CCSER1: variants seen among roughly 807,000 people sequenced by gnomAD.
CCSER1 encodes coiled-coil serine rich protein 1.
CCSER1 carries 41 observed loss-of-function variants against 82.0 expected under a neutral mutation model. The ratio of observed to expected loss-of-function variants is 0.50; its 90% CI spans 0.39 to 0.65. CCSER1 has a LOEUF of 0.65. CCSER1 is among the 30% of genes least tolerant of loss of function. The probability of loss-of-function intolerance (pLI) is 0.00; values close to 1 mark genes in which losing one functional copy is unlikely to be tolerated. For synonymous variants in CCSER1, 414 were observed against 383.9 expected (o/e 1.08, Z -0.92); for missense variants, 1,119 against 1,064.2 (o/e 1.05, Z -0.72).
intron 10 of CCSER1, among the ~76,000 whole-genome samples, chr4:91,352,388 A>G (rs1331898031): frequency 1.3e-5 from 2 of 152,212 alleles, no homozygotes; most frequent in Non-Finnish European, 2.9e-5. Flanking sequence ...CTGGAACTAC[A>G]GGCGTGTGCC....
chr4:90,995,748 A>G (rs899365960), intron 9 of CCSER1, among the ~76,000 whole-genome samples: 2 of 152,104 alleles, frequency 1.3e-5, no homozygotes, highest in Non-Finnish European at 2.9e-5. Flanking sequence ...AAAGATCCAA[A>G]TTAAAACTAT....
intron 8 of CCSER1, among the ~76,000 whole-genome samples, chr4:90,850,003 T>C (rs900364414): frequency 6.6e-6 from 1 of 152,140 alleles, no homozygotes; most frequent in East Asian, 1.9e-4. Flanking sequence ...AGGGACACCC[T>C]GCTCTGTGCA....
intron 5 of CCSER1, among the ~76,000 whole-genome samples, chr4:90,609,934 C>A (rs1033276067): frequency 3.9e-5 from 6 of 152,128 alleles, no homozygotes; most frequent in African/African-American, 1.4e-4. Flanking sequence ...AGAAAAAGTG[C>A]TATTTATTCA....
chr4:90,208,718 C>G (rs1739398332), intron 1 of CCSER1, among the ~76,000 whole-genome samples: 2 of 152,152 alleles, frequency 1.3e-5, no homozygotes, highest in Non-Finnish European at 2.9e-5. Context: ...CACTGTTCCT[C>G]ACAGTACAGT....
chr4:90,691,524 T>G (rs546268105), intron 6 of CCSER1, among the ~76,000 whole-genome samples: 2 of 150,448 alleles, frequency 1.3e-5, no homozygotes, highest in Non-Finnish European at 3.0e-5. Flanking sequence ...CATGTGTACA[T>G]ATCACACGTA....
intron 10 of CCSER1, among the ~76,000 whole-genome samples, chr4:91,169,345 G>A (rs555775207): frequency 2.2e-4 from 34 of 152,192 alleles, no homozygotes; most frequent in African/African-American, 6.5e-4. Flanking sequence ...ATTTGGCCAG[G>A]CATGGTGTCT....
chr4:90,939,941 TTG>T (rs2150324096), intron 9 of CCSER1, among the ~76,000 whole-genome samples: 1 of 152,228 alleles, frequency 6.6e-6, no homozygotes, highest in African/African-American at 2.4e-5. Context: ...TTTCTTTTTA[TTG>T]TCTTATTTTA....
intron 7 of CCSER1, among the ~76,000 whole-genome samples, chr4:90,728,823 G>C (rs1040330433): frequency 9.2e-5 from 14 of 152,024 alleles, no homozygotes; most frequent in Non-Finnish European, 1.9e-4. Flanking sequence ...GAAGTGTGTA[G>C]AAAAAAAGAT....
intron 10 of CCSER1, among the ~76,000 whole-genome samples, chr4:91,299,690 A>T (rs1744508632): frequency 6.6e-6 from 1 of 151,876 alleles, no homozygotes; most frequent in Admixed American, 6.6e-5. Context: ...ATAAAAACTG[A>T]TTTTTTATAT....
intron 9 of CCSER1, among the ~76,000 whole-genome samples, chr4:91,062,410 T>C (rs1744036147): frequency 6.6e-6 from 1 of 152,046 alleles, no homozygotes; most frequent in African/African-American, 2.4e-5. Context: ...ATTCACTCTG[T>C]CCCTGAAGGA....
chr4:90,140,329 G>C (rs1035065791), intron 1 of CCSER1, among the ~76,000 whole-genome samples: 1 of 152,092 alleles, frequency 6.6e-6, no homozygotes, highest in African/African-American at 2.4e-5. Context: ...ATAGCCCTAG[G>C]AATCCTCAGT....
chr4:90,626,442 C>T (rs17017310), intron 5 of CCSER1, among the ~76,000 whole-genome samples: 2,109 of 152,176 alleles, frequency 0.014, 43 homozygotes, highest in African/African-American at 0.048. Context: ...TAACACTAAA[C>T]GGAAGGCTTT....
chr4:90,205,125 A>T (rs975840252), intron 1 of CCSER1, among the ~76,000 whole-genome samples: 4 of 152,220 alleles, frequency 2.6e-5, no homozygotes, highest in Admixed American at 6.5e-5. Context: ...ATATCCAATC[A>T]TGTCATCTGC....
intron 5 of CCSER1, among the ~76,000 whole-genome samples, chr4:90,595,903 T>G (rs1783276481): frequency 6.6e-6 from 1 of 151,974 alleles, no homozygotes; most frequent in Non-Finnish European, 1.5e-5. Context: ...TGATTTAATA[T>G]GGAAAGAGAG....
At chr4:91,327,275 A>G (rs1746637368) in intron 10 of CCSER1, among the ~76,000 whole-genome samples, 1 of 152,156 alleles carries the variant, frequency 6.6e-6, no homozygotes, top group African/African-American at 2.4e-5. Context: ...ATGTAGGTGG[A>G]GGCTCCCACT....
intron 1 of CCSER1, among the ~76,000 whole-genome samples, chr4:90,196,054 T>C (rs1170606970): frequency 1.3e-5 from 2 of 151,376 alleles, no homozygotes; most frequent in Non-Finnish European, 2.9e-5. Context: ...TGTCCACTGC[T>C]CCAGGCACAA....
chr4:90,691,313 G>C (rs899823494), intron 6 of CCSER1, among the ~76,000 whole-genome samples: 1 of 151,798 alleles, frequency 6.6e-6, no homozygotes, highest in African/African-American at 2.4e-5. Flanking sequence ...AGTTTAAATA[G>C]TCTTGATTAT....
In CCSER1 at chr4:91,285,247, GTT is replaced by G. The variant is rs35662705; in HGVS notation, c.2217+199269_2217+199270del. The stretch of plus-strand genomic sequence containing the variant: ...AAAACCATAGCAAAAACTTCAATGG[GTT>G]TTTTTTTTTTTTTTTAAGATGTGTC... On this transcript the variant is annotated intron_variant, in intron 10 of 10. Coordinates refer to ENST00000509176, the MANE Select transcript of CCSER1 (RefSeq NM_001145065.2). 6.8e-3 allele frequency among the ~76,000 whole-genome samples: 910 copies of G among 133,504 alleles called. 6 individuals carry two copies. The highest frequency in any genetic ancestry group is 0.022 in the African/African-American group (813 of 37,316). The allele number at this position is 133,504 out of a possible 152,430, so 87.6% of individuals were successfully genotyped here. A position where few individuals can be genotyped will look rare whatever the true frequency, so the allele number is the denominator to read the frequency against.
At chr4:91,073,009 A>G (rs1402669943) in intron 9 of CCSER1, among the ~76,000 whole-genome samples, 1 of 152,106 alleles carries the variant, frequency 6.6e-6, no homozygotes, top group Non-Finnish European at 1.5e-5. Context: ...ACAGAACCTT[A>G]AAAGTGAAGC....
Sources: gnomAD v4.1 joint callset for allele counts (sites outside exome capture counted in the v4.1 genomes callset) on GRCh38, gnomAD v4.1.1 for gene constraint, MANE v1.5 for transcripts, NCBI Gene and HGNC (gene_info 2026-07-23, HGNC 2026-07-21) for gene names.